The following BMPR1A variants were observed in gnomAD, a reference collection of about 807,000 sequenced individuals.
BMPR1A encodes bone morphogenetic protein receptor type-1A.
Under a neutral mutation model 66.0 loss-of-function variants are expected in BMPR1A, and 7 were observed. That is an observed-to-expected ratio of 0.11 (90% CI 0.06 to 0.20). BMPR1A has a LOEUF of 0.20. BMPR1A is among the 10% of genes least tolerant of loss of function. The probability of loss-of-function intolerance (pLI) is 1.00; values close to 1 mark genes in which losing one functional copy is unlikely to be tolerated. For synonymous variants in BMPR1A, 200 were observed against 229.7 expected (o/e 0.87, Z 1.17); for missense variants, 408 against 669.1 (o/e 0.61, Z 4.31).
At chr10:86,857,831 T>A (rs199908676) in intron 2 of BMPR1A, among the ~76,000 whole-genome samples, 1,946 of 141,866 alleles carry the variant, frequency 0.014, 38 homozygotes, top group African/African-American at 0.048. Context: ...TTTTTTTTTT[T>A]AAATTAAATT....
At chr10:86,871,656 C>G (rs34846512) in intron 2 of BMPR1A, among the ~76,000 whole-genome samples, 5,877 of 151,980 alleles carry the variant, frequency 0.039, 219 homozygotes, top group African/African-American at 0.09. Flanking sequence ...ACAGAAAATA[C>G]AAAATTAGCC....
intron 1 of BMPR1A, among the ~76,000 whole-genome samples, chr10:86,798,397 A>AT (rs1473678976): frequency 2.0e-5 from 3 of 151,458 alleles, no homozygotes. Context: ...TTTGTCTGTT[A>AT]TTTTTATAAA....
intron 1 of BMPR1A, among the ~76,000 whole-genome samples, chr10:86,816,682 T>C (rs1358349808): frequency 6.6e-6 from 1 of 152,218 alleles, no homozygotes; most frequent in Non-Finnish European, 1.5e-5. Flanking sequence ...AGGACTCTTT[T>C]CTAAGAAATC....
At chr10:86,911,231 A>T (rs1198491548) in intron 7 of BMPR1A, among the ~76,000 whole-genome samples, 1 of 152,086 alleles carries the variant, frequency 6.6e-6, no homozygotes, top group African/African-American at 2.4e-5. Flanking sequence ...GTCTTAAGAG[A>T]CAAAAGCATG....
intron 10 of BMPR1A, among the ~76,000 whole-genome samples, chr10:86,920,856 CTTTTTTT>C (rs397774280): frequency 1.6e-5 from 2 of 122,206 alleles, no homozygotes; most frequent in African/African-American, 3.1e-5. Flanking sequence ...CTTTTCTTTT[CTTTTTTT>C]TTTTTTTTTT....
At chr10:86,870,609 C>G (rs1018026401) in intron 2 of BMPR1A, among the ~76,000 whole-genome samples, 4 of 151,818 alleles carry the variant, frequency 2.6e-5, no homozygotes, top group African/African-American at 9.7e-5. Flanking sequence ...GTTTTTTGTA[C>G]AGATGAGGTC....
At chr10:86,813,959 TTTCC>T (rs555139235) in intron 1 of BMPR1A, among the ~76,000 whole-genome samples, 1 of 152,242 alleles carries the variant, frequency 6.6e-6, no homozygotes, top group Non-Finnish European at 1.5e-5. Flanking sequence ...TGGCTTTCAT[TTTCC>T]TTCCTTGAGT....
At chr10:86,899,559 T>C (rs1843275281) in intron 5 of BMPR1A, among the ~76,000 whole-genome samples, 1 of 152,242 alleles carries the variant, frequency 6.6e-6, no homozygotes, top group African/African-American at 2.4e-5. Context: ...TCGGGTTTGG[T>C]GTTCTAATCT....
chr10:86,897,170 G>A (rs776356688), intron 5 of BMPR1A, among the ~76,000 whole-genome samples: 4 of 152,150 alleles, frequency 2.6e-5, no homozygotes, highest in Non-Finnish European at 5.9e-5. Flanking sequence ...TCCAGCCTGA[G>A]CACACTGAAT....
intron 3 of BMPR1A, among the ~76,000 whole-genome samples, chr10:86,881,611 C>G (rs548893460): frequency 9.5e-4 from 145 of 152,302 alleles, no homozygotes; most frequent in African/African-American, 3.4e-3. Context: ...GCACAGCTCT[C>G]GAGCTAATTA....
At chr10:86,842,053 G>C (rs1030178174) in intron 2 of BMPR1A, among the ~76,000 whole-genome samples, 3 of 152,184 alleles carry the variant, frequency 2.0e-5, no homozygotes, top group Non-Finnish European at 4.4e-5. Flanking sequence ...CCTGAAAAAG[G>C]GGTTGTGGGT....
Position 86,790,208 on chromosome 10 carries a change from T to A in BMPR1A, c.-268+33289T>A, listed in dbSNP as rs1471892592. On this transcript the variant is annotated intron_variant, in intron 1 of 12. Coordinates refer to ENST00000372037, the MANE Select transcript of BMPR1A (RefSeq NM_004329.3). ...AAAAAAATATATATATATATATATA[T>A]ATATATATATATATATATATATATA... 5.1e-3 allele frequency among the ~76,000 whole-genome samples: 227 copies of A among 44,124 alleles called. 44 individuals carry two copies. The highest frequency in any genetic ancestry group is 0.016 in the East Asian group (9 of 572). The allele number at this position is 44,124 out of a possible 152,430, so 28.9% of individuals were successfully genotyped here. A position where few individuals can be genotyped will look rare whatever the true frequency, so the allele number is the denominator to read the frequency against.
At chr10:86,860,594 A>C (rs940836351) in intron 2 of BMPR1A, among the ~76,000 whole-genome samples, 2 of 151,912 alleles carry the variant, frequency 1.3e-5, no homozygotes, top group Admixed American at 1.3e-4. Flanking sequence ...ACATGGCAAA[A>C]CCCTGTCTCT....
chr10:86,915,183 G>A (rs2133563517), intron 8 of BMPR1A, among the ~76,000 whole-genome samples: 1 of 152,128 alleles, frequency 6.6e-6, no homozygotes, highest in Non-Finnish European at 1.5e-5. Context: ...GCACCACCAT[G>A]CCCAGCTAAT....
chr10:86,870,394 A>G (rs925667650), intron 2 of BMPR1A, among the ~76,000 whole-genome samples: 1 of 152,052 alleles, frequency 6.6e-6, no homozygotes, highest in African/African-American at 2.4e-5. Context: ...CTTACCCTAC[A>G]TTTAATCCAT....
intron 1 of BMPR1A, among the ~76,000 whole-genome samples, chr10:86,833,681 A>C (rs1473934420): frequency 6.6e-6 from 1 of 152,180 alleles, no homozygotes; most frequent in African/African-American, 2.4e-5. Context: ...TGGAATAAAC[A>C]TTTAATAGAG....
chr10:86,851,808 A>T (rs2133185299), intron 2 of BMPR1A, among the ~76,000 whole-genome samples: 1 of 152,316 alleles, frequency 6.6e-6, no homozygotes, highest in Non-Finnish European at 1.5e-5. Flanking sequence ...AGGAGAGGGG[A>T]GGAGAGTAGT....
intron 7 of BMPR1A, among the ~76,000 whole-genome samples, chr10:86,905,822 A>AC (rs545726938): frequency 4.6e-4 from 70 of 152,214 alleles, no homozygotes; most frequent in African/African-American, 1.6e-3. Context: ...AAAAAAAAAA[A>AC]AATTGCCAAG....
intron 1 of BMPR1A, among the ~76,000 whole-genome samples, chr10:86,826,411 A>AACACACACACACACACACACACAC (rs34389289): frequency 9.3e-4 from 137 of 147,090 alleles, no homozygotes; most frequent in African/African-American, 3.3e-3. Flanking sequence ...CAATCAAGGA[A>AACACACACACACACACACACACAC]ACACACACAC....
Sources: allele counts gnomAD v4.1 joint callset (sites outside exome capture counted in the v4.1 genomes callset), GRCh38; gene constraint gnomAD v4.1.1; transcripts MANE v1.5; gene names NCBI Gene and HGNC (gene_info 2026-07-23, HGNC 2026-07-21).